Variants in CLOCK observed in about 807,000 individuals in gnomAD.
CLOCK encodes circadian locomoter output cycles protein kaput.
CLOCK carries 43 observed loss-of-function variants against 118.4 expected under a neutral mutation model. That is an observed-to-expected ratio of 0.36 (90% CI 0.28 to 0.47). The LOEUF is 0.47. CLOCK is among the 20% of genes least tolerant of loss of function. CLOCK has a pLI of 1.00. For synonymous variants in CLOCK, 326 were observed against 339.2 expected, an observed-to-expected ratio of 0.96 and a Z score of 0.43; for missense variants, 846 against 999.9, an observed-to-expected ratio of 0.85 and a Z score of 2.08.
chr4:55,483,407 G>A (rs1020544191), intron 3 of CLOCK, among the ~76,000 whole-genome samples: 13 of 152,236 alleles, frequency 8.5e-5, no homozygotes, highest in Admixed American at 3.9e-4. Context: ...ATGACAGTAA[G>A]TCTGTCAGGG....
At chr4:55,500,222 C>G (rs1728346309) in intron 2 of CLOCK, among the ~76,000 whole-genome samples, 1 of 152,158 alleles carries the variant, frequency 6.6e-6, no homozygotes, top group African/African-American at 2.4e-5. Context: ...AAGCACTACA[C>G]AAGCTATTCA....
At chr4:55,443,367 C>T (rs773988977) in intron 20 of CLOCK, among the ~76,000 whole-genome samples, 30 of 151,044 alleles carry the variant, frequency 2.0e-4, no homozygotes, top group African/African-American at 2.7e-4. Flanking sequence ...CCCAGCTACT[C>T]GGGAGGTTGG....
intron 1 of CLOCK, among the ~76,000 whole-genome samples, chr4:55,528,424 C>T (rs1471216007): frequency 1.3e-5 from 2 of 152,058 alleles, no homozygotes; most frequent in African/African-American, 4.8e-5. Context: ...CCCCCCCTCA[C>T]TGCCTTATTT....
At chr4:55,480,621 T>A (rs960093090) in intron 4 of CLOCK, among the ~76,000 whole-genome samples, 1 of 152,164 alleles carries the variant, frequency 6.6e-6, no homozygotes, top group Non-Finnish European at 1.5e-5. Context: ...CTAGGCGCAG[T>A]GGCTCACGCC....
intron 6 of CLOCK, among the ~76,000 whole-genome samples, chr4:55,477,676 T>C (rs912039679): frequency 3.3e-5 from 5 of 152,052 alleles, no homozygotes; most frequent in Admixed American, 1.3e-4. Context: ...AATGTTTGCA[T>C]CTAAAAATAG....
At chr4:55,439,114 C>G (rs1185491220) in intron 21 of CLOCK, among the ~76,000 whole-genome samples, 1 of 152,122 alleles carries the variant, frequency 6.6e-6, no homozygotes, top group Non-Finnish European at 1.5e-5. Context: ...GCATATCATC[C>G]TTCTGATAAG....
intron 9 of CLOCK, 102 bp downstream of exon 9, chr4:55,463,583 G>T: frequency 8.8e-7 from 1 of 1,136,750 alleles, no homozygotes; most frequent in Non-Finnish European, 1.3e-6. Flanking sequence ...GGCATATGGA[G>T]TAATGCTGTA....
At chr4:55,536,803 T>C (rs920746427) in intron 1 of CLOCK, among the ~76,000 whole-genome samples, 1 of 151,718 alleles carries the variant, frequency 6.6e-6, no homozygotes, top group Non-Finnish European at 1.5e-5. Flanking sequence ...AAATGTACCA[T>C]TACCTGGTAA....
chr4:55,435,357 G>GT lies in CLOCK; in HGVS notation c.*57dup. 1 of 1,595,312 alleles carries GT rather than the reference G, an allele frequency of 6.3e-7. No individual in the cohort carries two copies. The highest frequency in any genetic ancestry group is 1.7e-5 in the Admixed American group (1 of 59,926). On this transcript the variant is annotated 3_prime_UTR_variant, in exon 23 of 23. Transcript: ENST00000513440. ...TCCCTCCTTTCCTCAGGTCATCTGA[G>GT]TAACTCTTAATGGGCCATCCCCTTC... is the stretch of plus-strand genomic sequence containing the variant.
chr4:55,481,719 G>C (rs888492556), intron 4 of CLOCK, among the ~76,000 whole-genome samples: 1 of 152,130 alleles, frequency 6.6e-6, no homozygotes, highest in South Asian at 2.1e-4. Context: ...CCAATGGATG[G>C]AGCACACCGA....
intron 2 of CLOCK, among the ~76,000 whole-genome samples, chr4:55,505,151 AC>A (rs1268439100): frequency 3.2e-4 from 35 of 110,190 alleles, no homozygotes; most frequent in African/African-American, 9.9e-4. Context: ...TGTCCCCCTC[AC>A]CCCCCCACCA....
At chr4:55,490,935 T>C (rs1396308992) in intron 2 of CLOCK, among the ~76,000 whole-genome samples, 1 of 152,058 alleles carries the variant, frequency 6.6e-6, no homozygotes, top group Non-Finnish European at 1.5e-5. Flanking sequence ...ACAGATCACC[T>C]AATAGGGCAC....
chr4:55,452,518 A>G (rs1332183384), intron 15 of CLOCK: 1 of 154,694 alleles, frequency 6.5e-6, no homozygotes, highest in Non-Finnish European at 1.4e-5. Flanking sequence ...CTCTTGACTC[A>G]CCAAACTAGG....
chr4:55,537,601 G>A (rs752539017), intron 1 of CLOCK, among the ~76,000 whole-genome samples: 8 of 151,842 alleles, frequency 5.3e-5, no homozygotes, highest in South Asian at 4.2e-4. Context: ...CCTAGGCAAC[G>A]GAGTGAGACC....
chr4:55,533,073 T>A (rs771069634), intron 1 of CLOCK, among the ~76,000 whole-genome samples: 17 of 152,254 alleles, frequency 1.1e-4, no homozygotes, highest in Non-Finnish European at 1.8e-4. Flanking sequence ...TTCAATGTAA[T>A]CCCTGTCAAA....
intron 20 of CLOCK, 123 bp downstream of exon 20, chr4:55,443,564 A>T (rs1460880697): frequency 1.5e-5 from 12 of 782,902 alleles, no homozygotes; most frequent in Non-Finnish European, 2.4e-5. Context: ...TCAATACTAT[A>T]CTTTCTAAAT....
In CLOCK at chr4:55,488,330, G is replaced by A. The variant is rs1051255597; in HGVS notation, c.-44+1044C>T. Among the ~76,000 whole-genome samples, 6 of 152,134 alleles carry A rather than the reference G, an allele frequency of 3.9e-5. No homozygotes were observed. In the South Asian group the frequency reaches 8.3e-4, roughly 21 times the overall value. On this transcript the variant is annotated intron_variant, in intron 3 of 22. Coordinates refer to ENST00000513440, the MANE Select transcript of CLOCK (RefSeq NM_004898.4). ...TCCTAGATAAATCACACTTCTACAT[G>A]CCAATGACTCCCAAATCCACACCCC... is the stretch of plus-strand genomic sequence containing the variant.
Position 55,453,138 on chromosome 4 carries a change from G to A in CLOCK, c.1131-9C>T, listed in dbSNP as rs1445036260. 1.2e-6 allele frequency: 2 copies of A among 1,609,988 alleles called. No individual in the cohort carries two copies. The highest frequency in any genetic ancestry group is 1.7e-4 in the Middle Eastern group (1 of 6,052). On this transcript the variant is annotated splice_polypyrimidine_tract_variant and intron_variant, in intron 14 of 22. Coordinates refer to ENST00000513440, the MANE Select transcript of CLOCK (RefSeq NM_004898.4). ...CCCTAACTTCTGCATAACTACAAATGGAAAAAATAATCAAATTTTAGTGTC... is the reference window on the plus strand; with the variant it reads ...CCCTAACTTCTGCATAACTACAAATAGAAAAAATAATCAAATTTTAGTGTC...
At chr4:55,499,376 G>A (rs754356578) in intron 2 of CLOCK, among the ~76,000 whole-genome samples, 20 of 152,156 alleles carry the variant, frequency 1.3e-4, no homozygotes, top group South Asian at 2.1e-4. Flanking sequence ...CATGGACAGC[G>A]GGGATGGTTT....
Sources: allele counts gnomAD v4.1 joint callset (sites outside exome capture counted in the v4.1 genomes callset), GRCh38; gene constraint gnomAD v4.1.1; transcripts MANE v1.5; gene names NCBI Gene and HGNC (gene_info 2026-07-23, HGNC 2026-07-21).